The following DIAPH2 variants were observed in gnomAD, a reference collection of about 807,000 sequenced individuals.
DIAPH2 encodes the protein protein diaphanous homolog 2.
In DIAPH2, 35 loss-of-function variants were observed where a neutral mutation model predicts 92.7. The observed-to-expected ratio is 0.38, with a 90% CI of 0.29 to 0.50. DIAPH2 has a LOEUF of 0.50. DIAPH2 is among the 20% of genes least tolerant of loss of function. The pLI is 0.94. For missense variants in DIAPH2, 701 were observed against 819.5 expected, an observed-to-expected ratio of 0.86 and a Z score of 1.77; for synonymous variants, 301 against 280.4, an observed-to-expected ratio of 1.07 and a Z score of -0.73.
At chrX:97,175,340 C>T (rs1231987449) in intron 22 of DIAPH2, among the ~76,000 whole-genome samples, 3 of 111,293 alleles carry the variant, frequency 2.7e-5, no homozygotes, top group Admixed American at 1.9e-4. Context: ...TGTAATGTCA[C>T]GATAGGTGGT....
chrX:97,279,633 C>G (rs1329558759), intron 23 of DIAPH2, among the ~76,000 whole-genome samples: 4 of 110,956 alleles, frequency 3.6e-5, no homozygotes, highest in Non-Finnish European at 7.5e-5. Context: ...GTCTCTGTTT[C>G]TAAAACATGA....
chrX:97,518,294 A>G (rs557504565), intron 26 of DIAPH2, among the ~76,000 whole-genome samples: 3 of 111,337 alleles, frequency 2.7e-5, no homozygotes, highest in South Asian at 7.6e-4. Context: ...TGATTTTTAT[A>G]TTTCTCATAT....
At chrX:97,586,011 T>C (rs1352464294) in intron 26 of DIAPH2, among the ~76,000 whole-genome samples, 1 of 112,127 alleles carries the variant, frequency 8.9e-6, no homozygotes, top group Non-Finnish European at 1.9e-5. Flanking sequence ...CCTATACTTA[T>C]CTCTTAAATG....
At chrX:97,274,005 CGGTG>C (rs1487988523) in intron 23 of DIAPH2, among the ~76,000 whole-genome samples, 2 of 69,275 alleles carry the variant, frequency 2.9e-5, no homozygotes, top group Non-Finnish European at 5.4e-5. Context: ...ATAAAACTAG[CGGTG>C]TGTGTGTGTG....
chrX:97,199,211 A>C, intron 22 of DIAPH2, among the ~76,000 whole-genome samples: 1 of 81,911 alleles, frequency 1.2e-5, no homozygotes, highest in South Asian at 5.9e-4. Context: ...TTTGAGGATT[A>C]TATTAACATA....
intron 20 of DIAPH2, among the ~76,000 whole-genome samples, chrX:97,107,617 G>A (rs2066950933): frequency 9.0e-6 from 1 of 111,703 alleles, no homozygotes; most frequent in Non-Finnish European, 1.9e-5. Context: ...TCTCATTTCT[G>A]TAGGCAGTTC....
At chrX:97,304,390 T>G (rs1040663187) in intron 23 of DIAPH2, among the ~76,000 whole-genome samples, 3 of 112,414 alleles carry the variant, frequency 2.7e-5, no homozygotes, top group Non-Finnish European at 5.6e-5. Context: ...TGAATAATTA[T>G]AACAGCAGTA....
Position 97,052,298 on chromosome X carries a change from G to A in DIAPH2, c.2051-20643G>A, listed in dbSNP as rs892857979. 5.4e-4 allele frequency among the ~76,000 whole-genome samples: 60 copies of A among 110,848 alleles called. 1 individual carries two copies. Among genetic ancestry groups the A allele is most frequent in the Middle Eastern group, 9.3e-3 (2 of 214 alleles). ...GGGTGGGGGAAAGATATTTTCAGCA[G>A]AATAAATTGTATATTGAAAACCCTG... On this transcript the variant is annotated intron_variant, in intron 17 of 26. Coordinates refer to ENST00000324765, the MANE Select transcript of DIAPH2 (RefSeq NM_006729.5).
At chrX:97,288,757 A>G (rs959276504) in intron 23 of DIAPH2, among the ~76,000 whole-genome samples, 1 of 108,101 alleles carries the variant, frequency 9.3e-6, no homozygotes, top group Non-Finnish European at 1.9e-5. Flanking sequence ...AAAAAAAAAA[A>G]CACCGATTCA....
chrX:97,344,575 C>T (rs2069140152), intron 23 of DIAPH2, among the ~76,000 whole-genome samples: 1 of 111,955 alleles, frequency 8.9e-6, no homozygotes, highest in Non-Finnish European at 1.9e-5. Context: ...TGCTGACTCG[C>T]CAGCCATCTA....
intron 4 of DIAPH2, among the ~76,000 whole-genome samples, chrX:96,879,949 G>A (rs953804129): frequency 1.8e-5 from 2 of 110,950 alleles, no homozygotes; most frequent in African/African-American, 6.5e-5. Context: ...GGCTGATTTC[G>A]AACCCCTGAC....
At chrX:97,490,099 A>G (rs1451686059) in intron 26 of DIAPH2, among the ~76,000 whole-genome samples, 1 of 110,626 alleles carries the variant, frequency 9.0e-6, no homozygotes, top group Non-Finnish European at 1.9e-5. Flanking sequence ...CTTGTTTGTT[A>G]TTGGTCTGTT....
chrX:97,072,075 T>G (rs772270062), intron 17 of DIAPH2, among the ~76,000 whole-genome samples: 17 of 111,797 alleles, frequency 1.5e-4, no homozygotes, highest in Middle Eastern at 4.6e-3. Context: ...CTGCCAACAC[T>G]TGAGTACAAT....
intron 26 of DIAPH2, among the ~76,000 whole-genome samples, chrX:97,577,327 G>A (rs978397104): frequency 8.9e-6 from 1 of 112,509 alleles, no homozygotes; most frequent in African/African-American, 3.2e-5. Context: ...GAATCAGCAT[G>A]TATTTACTAC....
intron 4 of DIAPH2, among the ~76,000 whole-genome samples, chrX:96,784,984 G>T (rs2064444788): frequency 8.9e-6 from 1 of 112,012 alleles, no homozygotes; most frequent in Admixed American, 9.5e-5. Context: ...AATCGTGGCA[G>T]GCTGTCTAAT....
At chrX:96,867,097 A>G (rs1393138404) in intron 4 of DIAPH2, among the ~76,000 whole-genome samples, 1 of 112,227 alleles carries the variant, frequency 8.9e-6, no homozygotes, top group Non-Finnish European at 1.9e-5. Flanking sequence ...CATAACCTCT[A>G]ACTATGACAT....
intron 5 of DIAPH2, among the ~76,000 whole-genome samples, chrX:96,897,749 A>C (rs1185305989): frequency 9.5e-6 from 1 of 105,457 alleles, no homozygotes; most frequent in Non-Finnish European, 2.0e-5. Context: ...TTATACTTTA[A>C]GTTTTAGGGT....
chrX:96,998,256 T>C (rs1484040800), intron 17 of DIAPH2, among the ~76,000 whole-genome samples: 2 of 111,624 alleles, frequency 1.8e-5, no homozygotes, highest in African/African-American at 6.5e-5. Context: ...TTTTAGGATA[T>C]ATTAATAAAC....
At chrX:96,814,850 C>A (rs1467062490) in intron 4 of DIAPH2, among the ~76,000 whole-genome samples, 1 of 111,731 alleles carries the variant, frequency 9.0e-6, no homozygotes, top group Non-Finnish European at 1.9e-5. Context: ...CTGGGTATCA[C>A]CAGCGGAGAC....
Sources: allele counts gnomAD v4.1 joint callset (sites outside exome capture counted in the v4.1 genomes callset), GRCh38; gene constraint gnomAD v4.1.1; transcripts MANE v1.5; gene names NCBI Gene and HGNC (gene_info 2026-07-23, HGNC 2026-07-21).